The following SPOPL variants were observed in gnomAD, a reference collection of about 807,000 sequenced individuals.
SPOPL encodes the protein speckle-type POZ protein-like.
Under a neutral mutation model 53.8 loss-of-function variants are expected in SPOPL, and 23 were observed. The ratio of observed to expected loss-of-function variants is 0.43; its 90% CI spans 0.31 to 0.61. The LOEUF is 0.61. Among genes scored for constraint, SPOPL ranks in the 20% least tolerant of loss-of-function variants. SPOPL has a pLI of 0.12. For synonymous variants in SPOPL, 164 were observed against 149.7 expected, an observed-to-expected ratio of 1.10 and a Z score of -0.70; for missense variants, 442 against 466.9, an observed-to-expected ratio of 0.95 and a Z score of 0.49.
chr2:138,561,020 T>C lies in SPOPL; in HGVS notation c.837+93T>C, dbSNP rs549923402. 2.1e-6 allele frequency: 3 copies of C among 1,447,772 alleles called. No homozygotes were observed. In the South Asian group the frequency reaches 3.9e-5, roughly 19 times the overall value. 89.7% of individuals were successfully genotyped at this position (1,447,772 alleles called of 1,614,324 possible). A position where few individuals can be genotyped will look rare whatever the true frequency, so the allele number is the denominator to read the frequency against. On this transcript the variant is annotated intron_variant, in intron 8 of 10. Coordinates refer to ENST00000280098, the MANE Select transcript of SPOPL (RefSeq NM_001001664.3). ...AAATGAAAACTCCAAATAACTCGTA[T>C]TTTGTAGATGGCTCTTGAGAGCTTT...
chr2:138,538,031 C>T lies in SPOPL; in HGVS notation c.-60-12126C>T, dbSNP rs557254963. ...ACATTTGTGAATTTTAAAATTTTTT[C>T]TTCTGTTACTGATTTATAGTTTCAT... On this transcript the variant is annotated intron_variant, in intron 1 of 10. Coordinates refer to ENST00000280098, the MANE Select transcript of SPOPL (RefSeq NM_001001664.3). Among the ~76,000 whole-genome samples, 13 of 152,082 alleles carry T rather than the reference C, an allele frequency of 8.5e-5. No homozygotes were observed. In the East Asian group the frequency reaches 2.1e-3, roughly 25 times the overall value.
At chr2:138,527,607 A>G (rs899115602) in intron 1 of SPOPL, among the ~76,000 whole-genome samples, 3 of 152,212 alleles carry the variant, frequency 2.0e-5, no homozygotes, top group Non-Finnish European at 4.4e-5. Flanking sequence ...AAATTTTTTA[A>G]AAGTATACCA....
chr2:138,550,136 T>C, intron 1 of SPOPL, 21 bp from the exon 2 acceptor site: 1 of 1,321,510 alleles, frequency 7.6e-7, no homozygotes, highest in East Asian at 2.3e-5. Flanking sequence ...AATCAGTACA[T>C]CAAACTTCTT....
intron 8 of SPOPL, chr2:138,564,370 A>G: frequency 4.7e-6 from 1 of 214,722 alleles, no homozygotes; most frequent in Non-Finnish European, 9.3e-6. Flanking sequence ...AGTGGTGGCA[A>G]CATGCAGTAT....
intron 1 of SPOPL, among the ~76,000 whole-genome samples, chr2:138,521,421 A>G (rs1399597178): frequency 6.7e-6 from 1 of 149,002 alleles, no homozygotes; most frequent in Non-Finnish European, 1.5e-5. Context: ...CATTATGCCT[A>G]TATCTAGAAA....
At chr2:138,562,261 A>C (rs1475957022) in intron 8 of SPOPL, among the ~76,000 whole-genome samples, 1 of 152,000 alleles carries the variant, frequency 6.6e-6, no homozygotes, top group Non-Finnish European at 1.5e-5. Flanking sequence ...ACACTACTTG[A>C]TATCATGACT....
At chr2:138,503,997 T>A (rs1684161705) in intron 1 of SPOPL, among the ~76,000 whole-genome samples, 1 of 152,194 alleles carries the variant, frequency 6.6e-6, no homozygotes, top group Non-Finnish European at 1.5e-5. Context: ...TGCTGACAGT[T>A]TTTGCCGTAT....
At chr2:138,529,201 G>A (rs1684746443) in intron 1 of SPOPL, among the ~76,000 whole-genome samples, 1 of 152,170 alleles carries the variant, frequency 6.6e-6, no homozygotes, top group South Asian at 2.1e-4. Context: ...GCTGGAATGA[G>A]TAGAAAGTAT....
chr2:138,539,198 T>A lies in SPOPL; in HGVS notation c.-60-10959T>A, dbSNP rs945472113. On this transcript the variant is annotated intron_variant, in intron 1 of 10. Coordinates refer to ENST00000280098, the MANE Select transcript of SPOPL (RefSeq NM_001001664.3). ...AAGTCTTTGCTATTGTGAATAGTGC[T>A]GCAATAAACATATGTGTGCATGTGT... Among the ~76,000 whole-genome samples, 11 of 152,204 alleles carry A rather than the reference T, an allele frequency of 7.2e-5. No homozygotes were observed. In the South Asian group the frequency reaches 1.5e-3, roughly 20 times the overall value.
At chr2:138,567,372 A>AGTGT (rs57208490) in intron 10 of SPOPL, among the ~76,000 whole-genome samples, 3,768 of 112,946 alleles carry the variant, frequency 0.033, 104 homozygotes, top group Non-Finnish European at 0.04. Flanking sequence ...AGAGCAGTAT[A>AGTGT]GTGTGTGTGT....
At chr2:138,517,323 T>G (rs540019687) in intron 1 of SPOPL, among the ~76,000 whole-genome samples, 60 of 152,334 alleles carry the variant, frequency 3.9e-4, no homozygotes, top group South Asian at 2.3e-3. Context: ...TTATTACACC[T>G]CTGATCTCTG....
At chr2:138,526,652 G>A (rs1457170287) in intron 1 of SPOPL, among the ~76,000 whole-genome samples, 2 of 151,794 alleles carry the variant, frequency 1.3e-5, no homozygotes, top group Non-Finnish European at 2.9e-5. Context: ...TTTAAATATA[G>A]GATGTCAAAC....
chr2:138,568,386 G>A lies in SPOPL; in HGVS notation c.1035-550G>A, dbSNP rs116397546. Reference sequence around the variant, plus strand: ...AGAATTTGGGGTTGGGGAGAGGGATGATGAGCTCTCATCTGACAATCCTGA... The same window carrying A: ...AGAATTTGGGGTTGGGGAGAGGGATAATGAGCTCTCATCTGACAATCCTGA... On this transcript the variant is annotated intron_variant, in intron 10 of 10. Transcript: ENST00000280098. 5.5e-3 allele frequency among the ~76,000 whole-genome samples: 831 copies of A among 152,240 alleles called. 8 individuals carry two copies. The highest frequency in any genetic ancestry group is 0.019 in the African/African-American group (800 of 41,550).
At chr2:138,538,834 G>C (rs986381174) in intron 1 of SPOPL, among the ~76,000 whole-genome samples, 1 of 151,768 alleles carries the variant, frequency 6.6e-6, no homozygotes, top group Admixed American at 6.6e-5. Context: ...TGCCATGTTG[G>C]TGTGCTGCAC....
chr2:138,555,995 G>A (rs1163274621), intron 5 of SPOPL, among the ~76,000 whole-genome samples: 1 of 151,866 alleles, frequency 6.6e-6, no homozygotes, highest in East Asian at 1.9e-4. Context: ...ACCTGCATTT[G>A]AGTATGTAAT....
intron 1 of SPOPL, among the ~76,000 whole-genome samples, chr2:138,532,044 T>G (rs1226989472): frequency 6.6e-6 from 1 of 152,234 alleles, no homozygotes; most frequent in Non-Finnish European, 1.5e-5. Flanking sequence ...TAGTTTTACT[T>G]TACAGGCATT....
At chr2:138,559,435 T>C in intron 7 of SPOPL, 98 bp downstream of exon 7, 2 of 1,310,492 alleles carry the variant, frequency 1.5e-6, no homozygotes, top group South Asian at 3.1e-5. Context: ...ATTGTCATAC[T>C]GTGATAAGCA....
chr2:138,555,899 A>G lies in SPOPL; in HGVS notation c.481-3123A>G, dbSNP rs1187778773. Among the ~76,000 whole-genome samples, 6 of 151,986 alleles carry G rather than the reference A, an allele frequency of 3.9e-5. No homozygotes were observed. The East Asian group carries it at 9.7e-4, about 24-fold the overall frequency. Reference sequence around the variant, plus strand: ...ACATTTGCCTCTTTTTTTTTTTGAAAGAAGCATAACTTTGACCTCAGGAAA... The same window carrying G: ...ACATTTGCCTCTTTTTTTTTTTGAAGGAAGCATAACTTTGACCTCAGGAAA... On this transcript the variant is annotated intron_variant, in intron 5 of 10. Coordinates refer to ENST00000280098, the MANE Select transcript of SPOPL (RefSeq NM_001001664.3).
intron 1 of SPOPL, among the ~76,000 whole-genome samples, chr2:138,527,493 C>T (rs920933737): frequency 2.0e-5 from 3 of 152,086 alleles, no homozygotes; most frequent in African/African-American, 7.2e-5. Context: ...ATTTATCTTG[C>T]ACATTAAACT....
Sources: gnomAD v4.1 joint callset for allele counts (sites outside exome capture counted in the v4.1 genomes callset) on GRCh38, gnomAD v4.1.1 for gene constraint, MANE v1.5 for transcripts, NCBI Gene and HGNC (gene_info 2026-07-23, HGNC 2026-07-21) for gene names.